Variants in TSPEAR observed in about 807,000 individuals in gnomAD.
TSPEAR encodes the protein thrombospondin type laminin G domain and EAR repeats, also known as thrombospondin-type laminin G domain and EAR repeat-containing protein.
Under a neutral mutation model 71.6 loss-of-function variants are expected in TSPEAR, and 69 were observed. That is an observed-to-expected ratio of 0.96 (90% CI 0.79 to 1.18). The LOEUF (loss-of-function observed/expected upper bound fraction) is 1.18, where lower values mean the gene tolerates loss of function less well. Among genes scored for constraint, TSPEAR ranks in the 50% most tolerant of loss-of-function variants. The pLI is 0.00. For missense variants in TSPEAR, 971 were observed against 894.9 expected, an observed-to-expected ratio of 1.09 and a Z score of -1.09; for synonymous variants, 402 against 387.2, an observed-to-expected ratio of 1.04 and a Z score of -0.45.
At chr21:44,564,376 A>G (rs188032368) in intron 2 of TSPEAR, among the ~76,000 whole-genome samples, 2 of 152,320 alleles carry the variant, frequency 1.3e-5, no homozygotes, top group Non-Finnish European at 1.5e-5. Context: ...GATGTAATAG[A>G]TACTCTGTAA....
At chr21:44,678,488 T>C (rs1374178369) in intron 1 of TSPEAR, among the ~76,000 whole-genome samples, 4 of 152,218 alleles carry the variant, frequency 2.6e-5, no homozygotes, top group African/African-American at 9.7e-5. Flanking sequence ...GAAGCCTCTA[T>C]GGTTCCTGTA....
At chr21:44,511,229 CCTG>C (rs587655616) in intron 9 of TSPEAR, among the ~76,000 whole-genome samples, 12 of 149,260 alleles carry the variant, frequency 8.0e-5, no homozygotes, top group African/African-American at 2.9e-4. Context: ...CCTGCACACA[CCTG>C]CACACACAGG....
At chr21:44,625,335 G>A (rs1982697799) in intron 1 of TSPEAR, among the ~76,000 whole-genome samples, 2 of 152,218 alleles carry the variant, frequency 1.3e-5, no homozygotes, top group African/African-American at 2.4e-5. Context: ...GCTTACGCCT[G>A]TAGTCCCAGC....
chr21:44,611,261 C>A (rs1368731041), intron 1 of TSPEAR, among the ~76,000 whole-genome samples: 1 of 152,150 alleles, frequency 6.6e-6, no homozygotes, highest in Non-Finnish European at 1.5e-5. Context: ...TCCCAGCATT[C>A]CTACATGTTG....
rs1266248109 is a variant in TSPEAR at position 44,515,317 on chromosome 21, GTCCCAGCGCCT to G, written c.1567-5942_1567-5932del. Among the ~76,000 whole-genome samples the G allele has an allele frequency of 1.1e-4, 16 of 152,344 alleles. 1 individual carries two copies. The highest frequency in any genetic ancestry group is 2.6e-4 in the African/African-American group (11 of 41,566). Reference sequence around the variant, plus strand: ...GAGGAAGCCCGTCCATGTGTGCGTGGTCCCAGCGCCTTCCCAGGGCCCTCCTAAGGCACCTT... The same window carrying G: ...GAGGAAGCCCGTCCATGTGTGCGTGGTCCCAGGGCCCTCCTAAGGCACCTT... On this transcript the variant is annotated intron_variant, in intron 9 of 11. Coordinates refer to ENST00000323084, the MANE Select transcript of TSPEAR (RefSeq NM_144991.3).
At chr21:44,502,850 T>C (rs587730258) in intron 11 of TSPEAR, among the ~76,000 whole-genome samples, 5 of 140,410 alleles carry the variant, frequency 3.6e-5, no homozygotes, top group African/African-American at 1.4e-4. Context: ...CGGTGAGCCC[T>C]TGGGGGGAAG....
chr21:44,627,850 C>T, intron 1 of TSPEAR: 1 of 1,613,868 alleles, frequency 6.2e-7, no homozygotes, highest in Non-Finnish European at 8.5e-7. Context: ...CTGCTGCAGA[C>T]CCTCCTCCTC....
At chr21:44,618,757 C>T (rs1982264755) in intron 1 of TSPEAR, among the ~76,000 whole-genome samples, 1 of 152,170 alleles carries the variant, frequency 6.6e-6, no homozygotes, top group Non-Finnish European at 1.5e-5. Flanking sequence ...TGCCTTATTT[C>T]ACCAACTCAG....
chr21:44,531,595 CA>C (rs1462336833), intron 3 of TSPEAR, among the ~76,000 whole-genome samples: 1 of 152,198 alleles, frequency 6.6e-6, no homozygotes, highest in Non-Finnish European at 1.5e-5. Context: ...CACTTCACCC[CA>C]GGGCCAGGGC....
intron 1 of TSPEAR, among the ~76,000 whole-genome samples, chr21:44,618,409 TTA>T (rs1569222685): frequency 6.6e-6 from 1 of 152,226 alleles, no homozygotes; most frequent in Admixed American, 6.5e-5. Context: ...GATAGTATCT[TTA>T]TAGCAGTGTG....
chr21:44,675,540 A>G (rs1404334888), intron 1 of TSPEAR, among the ~76,000 whole-genome samples: 1 of 149,404 alleles, frequency 6.7e-6, no homozygotes, highest in Non-Finnish European at 1.5e-5. Flanking sequence ...TTTTTTTTTC[A>G]GTTTTCATCT....
At chr21:44,525,155 T>TAGTCAGTC (rs58689458) in intron 8 of TSPEAR, among the ~76,000 whole-genome samples, 1 of 151,550 alleles carries the variant, frequency 6.6e-6, no homozygotes, top group Admixed American at 6.6e-5. Context: ...GTCAGGTAGT[T>TAGTCAGTC]AGTCAGTCAG....
At chr21:44,618,482 C>T (rs1982247305) in intron 1 of TSPEAR, among the ~76,000 whole-genome samples, 1 of 152,190 alleles carries the variant, frequency 6.6e-6, no homozygotes. Flanking sequence ...TATCCAAACT[C>T]TGGAAAATGG....
At chr21:44,571,979 C>T (rs941355251) in intron 1 of TSPEAR, among the ~76,000 whole-genome samples, 6 of 152,188 alleles carry the variant, frequency 3.9e-5, no homozygotes, top group Non-Finnish European at 8.8e-5. Flanking sequence ...GCCGGGCAAA[C>T]GCCTGGGCAG....
In TSPEAR at chr21:44,697,314, A is replaced by T. The variant is rs376939185; in HGVS notation, c.82+14119T>A. 66 of 1,612,494 alleles carry T rather than the reference A, an allele frequency of 4.1e-5. 2 individuals carry two copies. In the African/African-American group the frequency reaches 7.6e-4, roughly 18 times the overall value. On this transcript the variant is annotated intron_variant, in intron 1 of 11. Transcript: ENST00000323084. ...GACGACTGCCCAGAGAGCTGCTGTG[A>T]GCCCCCCTGCTGCGCCCCGGCCCCC... is the stretch of plus-strand genomic sequence containing the variant.
At chr21:44,681,076 CCT>C (rs1986562097) in intron 1 of TSPEAR, among the ~76,000 whole-genome samples, 2 of 152,168 alleles carry the variant, frequency 1.3e-5, no homozygotes, top group Non-Finnish European at 2.9e-5. Flanking sequence ...CATTACGTAT[CCT>C]CTGTGTGTAA....
At position 44,522,035 on chromosome 21, in the gene TSPEAR, C is replaced by T. The variant is rs587722456; in HGVS notation, c.1414G>A (p.Ala472Thr). 3.3e-5 allele frequency: 53 copies of T among 1,614,060 alleles called. No individual in the cohort carries two copies. The South Asian group carries it at 4.6e-4, about 14-fold the overall frequency. ...TCCCAGTCGTAGGCGCCGGAGGTGG[C>T]GATGGTCTGGTTGGCCTCGAAGAGC... ...TRLFEANQTI[A>T]TSGAYDWEFF... The change falls in exon 9 of 12, where the codon GCC becomes ACC. Residue 472 changes from alanine to threonine, a missense_variant. Physicochemically the swap from Ala to Thr is moderately conservative, Grantham distance 58. Coordinates refer to ENST00000323084, the MANE Select transcript of TSPEAR (RefSeq NM_144991.3).
chr21:44,580,828 G>A (rs1555925047), intron 1 of TSPEAR, among the ~76,000 whole-genome samples: 1 of 152,122 alleles, frequency 6.6e-6, no homozygotes, highest in Admixed American at 6.5e-5. Flanking sequence ...AAACTTGTGT[G>A]TATGTTGCAG....
At chr21:44,591,819 G>A (rs782516569) in intron 1 of TSPEAR, 5 of 1,598,782 alleles carry the variant, frequency 3.1e-6, no homozygotes, top group Non-Finnish European at 4.3e-6. Context: ...GCTGGCAGGG[G>A]GAGGAGGTGC....
Sources: gnomAD v4.1 joint callset for allele counts (sites outside exome capture counted in the v4.1 genomes callset) on GRCh38, gnomAD v4.1.1 for gene constraint, MANE v1.5 for transcripts, NCBI Gene and HGNC (gene_info 2026-07-23, HGNC 2026-07-21) for gene names.